The following MALRD1 variants were observed in gnomAD, a reference collection of about 807,000 sequenced individuals.
MALRD1 encodes MAM and LDL-receptor class A domain-containing protein 1.
A neutral mutation model predicts 242.1 loss-of-function variants in MALRD1; 247 were observed. That is an observed-to-expected ratio of 1.02 (90% CI 0.92 to 1.13). MALRD1 has a LOEUF of 1.13. Among genes scored for constraint, MALRD1 ranks in the 50% most tolerant of loss-of-function variants. MALRD1 has a pLI of 0.00. For synonymous variants in MALRD1, 995 were observed against 866.6 expected (o/e 1.15, Z -2.60); for missense variants, 2,989 against 2,533.1 (o/e 1.18, Z -3.86).
At chr10:19,610,816 T>A (rs1838861164) in intron 35 of MALRD1, among the ~76,000 whole-genome samples, 1 of 152,014 alleles carries the variant, frequency 6.6e-6, no homozygotes. Flanking sequence ...CTCACTTTCC[T>A]CCTCTGCAAA....
intron 2 of MALRD1, among the ~76,000 whole-genome samples, chr10:19,078,217 T>C (rs773181631): frequency 2.0e-5 from 3 of 151,898 alleles, no homozygotes; most frequent in Non-Finnish European, 2.9e-5. Context: ...TTGTTACATA[T>C]GTATACATGT....
intron 26 of MALRD1, among the ~76,000 whole-genome samples, chr10:19,379,512 T>C (rs1214548724): frequency 1.3e-5 from 2 of 152,202 alleles, no homozygotes; most frequent in Non-Finnish European, 2.9e-5. Flanking sequence ...GGGTTCAAAC[T>C]ATAACTACTG....
At chr10:19,274,070 A>G (rs954602646) in intron 19 of MALRD1, among the ~76,000 whole-genome samples, 1 of 152,172 alleles carries the variant, frequency 6.6e-6, no homozygotes. Context: ...CAGTATGACC[A>G]TTCCTCAAAA....
chr10:19,531,495 G>A (rs1834415976), intron 32 of MALRD1, 144 bp downstream of exon 32: 3 of 805,322 alleles, frequency 3.7e-6, no homozygotes, highest in Non-Finnish European at 5.4e-6. Context: ...TGGGGCAGTG[G>A]GACTTTGGCA....
chr10:19,587,089 G>T (rs1011111276), intron 33 of MALRD1, among the ~76,000 whole-genome samples: 2 of 152,144 alleles, frequency 1.3e-5, no homozygotes, highest in Admixed American at 6.6e-5. Context: ...TTCGGCTCGC[G>T]CACGGTGCAT....
chr10:19,067,884 G>GT (rs1213151761), intron 2 of MALRD1, among the ~76,000 whole-genome samples: 2 of 152,078 alleles, frequency 1.3e-5, no homozygotes, highest in Non-Finnish European at 2.9e-5. Flanking sequence ...ATAAGATGGA[G>GT]TTTCTTAATT....
chr10:19,225,037 G>A (rs1025736370), intron 18 of MALRD1, among the ~76,000 whole-genome samples: 1 of 152,130 alleles, frequency 6.6e-6, no homozygotes, highest in African/African-American at 2.4e-5. Flanking sequence ...AAGGGGTCCA[G>A]TTTCAGCTTT....
chr10:19,340,938 T>G (rs1325132323), intron 24 of MALRD1, among the ~76,000 whole-genome samples: 20 of 152,114 alleles, frequency 1.3e-4, no homozygotes, highest in Admixed American at 1.3e-3. Context: ...CTCAGGTGAT[T>G]CATATGTGTA....
intron 29 of MALRD1, among the ~76,000 whole-genome samples, chr10:19,451,250 C>T (rs955725451): frequency 6.6e-6 from 1 of 151,952 alleles, no homozygotes; most frequent in Admixed American, 6.5e-5. Flanking sequence ...GTAAGTGCAT[C>T]TATAAGAAAT....
At chr10:19,494,732 G>T (rs1014944271) in intron 30 of MALRD1, among the ~76,000 whole-genome samples, 5 of 151,942 alleles carry the variant, frequency 3.3e-5, no homozygotes, top group African/African-American at 1.2e-4. Flanking sequence ...AAAGAAAAAA[G>T]AATAAAAAGG....
At chr10:19,239,548 G>A (rs368624260) in intron 18 of MALRD1, among the ~76,000 whole-genome samples, 11 of 152,114 alleles carry the variant, frequency 7.2e-5, no homozygotes, top group South Asian at 2.1e-4. Flanking sequence ...TGCTTTTGAC[G>A]TCTCATTTAA....
At chr10:19,114,165 T>C (rs944299682) in intron 5 of MALRD1, among the ~76,000 whole-genome samples, 1 of 152,334 alleles carries the variant, frequency 6.6e-6, no homozygotes, top group Non-Finnish European at 1.5e-5. Flanking sequence ...GTTTTTGTTT[T>C]AGTATGAAAA....
chr10:19,173,040 A>T (rs1835079111), intron 13 of MALRD1, among the ~76,000 whole-genome samples: 1 of 152,100 alleles, frequency 6.6e-6, no homozygotes, highest in South Asian at 2.1e-4. Context: ...AAATATCAAA[A>T]ATTGCAAATA....
rs191779021 is a variant in MALRD1 at position 19,603,023 on chromosome 10, G to T, written c.5945-4754G>T. Among the ~76,000 whole-genome samples the T allele has an allele frequency of 2.6e-5, 4 of 152,064 alleles. No individual in the cohort carries two copies. The East Asian group carries it at 7.7e-4, about 29-fold the overall frequency. On this transcript the variant is annotated intron_variant, in intron 34 of 39. Coordinates refer to ENST00000454679, the MANE Select transcript of MALRD1 (RefSeq NM_001142308.3). ...TGAGAAGTGTCCATTCATATCCTTTGCCCACCTGTTGATGGGGTTGTTTTT... is the reference window on the plus strand; with the variant it reads ...TGAGAAGTGTCCATTCATATCCTTTTCCCACCTGTTGATGGGGTTGTTTTT...
chr10:19,411,874 TTC>T (rs1268882235), intron 28 of MALRD1, among the ~76,000 whole-genome samples: 1 of 152,226 alleles, frequency 6.6e-6, no homozygotes, highest in Non-Finnish European at 1.5e-5. Flanking sequence ...TGCCAAAACT[TTC>T]TGATTAAATG....
chr10:19,099,923 G>C (rs1836190965), intron 4 of MALRD1, among the ~76,000 whole-genome samples: 1 of 151,830 alleles, frequency 6.6e-6, no homozygotes, highest in African/African-American at 2.4e-5. Flanking sequence ...ACCACACCTG[G>C]CTAATTTTTG....
chr10:19,390,530 C>G (rs912909466), intron 28 of MALRD1, among the ~76,000 whole-genome samples: 2 of 152,180 alleles, frequency 1.3e-5, no homozygotes, highest in Non-Finnish European at 2.9e-5. Context: ...CTTGGTCAAA[C>G]ACCTTTACTC....
At chr10:19,367,671 T>G (rs1217098922) in intron 26 of MALRD1, among the ~76,000 whole-genome samples, 2 of 152,164 alleles carry the variant, frequency 1.3e-5, no homozygotes, top group African/African-American at 4.8e-5. Flanking sequence ...TGAAGTTTTT[T>G]GAGAAACCTC....
intron 21 of MALRD1, chr10:19,290,309 A>G (rs1841349280): frequency 6.6e-6 from 1 of 152,196 alleles, no homozygotes; most frequent in Non-Finnish European, 1.5e-5. Context: ...TTTTACATGA[A>G]TTAGAAAAAC....
Sources: gnomAD v4.1 joint callset for allele counts (sites outside exome capture counted in the v4.1 genomes callset) on GRCh38, gnomAD v4.1.1 for gene constraint, MANE v1.5 for transcripts, NCBI Gene and HGNC (gene_info 2026-07-23, HGNC 2026-07-21) for gene names.